Variants in GPR158 observed in about 807,000 individuals in gnomAD.
GPR158 encodes the protein G protein-coupled receptor 158.
In GPR158, 30 loss-of-function variants were observed where a neutral mutation model predicts 78.2. That is an observed-to-expected ratio of 0.38 (90% confidence interval 0.29 to 0.52). The LOEUF (loss-of-function observed/expected upper bound fraction) is 0.52, where lower values mean the gene tolerates loss of function less well. GPR158 is among the 20% of genes least tolerant of loss of function. GPR158 has a pLI of 0.83. For missense variants in GPR158, 1,463 were observed against 1,523.5 expected (o/e 0.96, Z 0.66); for synonymous variants, 581 against 591.1 (o/e 0.98, Z 0.25).
At chr10:25,487,364 G>A (rs554247899) in intron 5 of GPR158, among the ~76,000 whole-genome samples, 5 of 152,054 alleles carry the variant, frequency 3.3e-5, no homozygotes, top group Non-Finnish European at 7.4e-5. Context: ...TAAATTGTTG[G>A]CAATATCATT....
chr10:25,541,906 G>C (rs57418758), intron 5 of GPR158, among the ~76,000 whole-genome samples: 3,197 of 145,778 alleles, frequency 0.022, 107 homozygotes, highest in African/African-American at 0.076. Context: ...AGGAAGCAGG[G>C]GGAAATTATA....
intron 5 of GPR158, among the ~76,000 whole-genome samples, chr10:25,503,746 C>G (rs1412790390): frequency 6.7e-6 from 1 of 149,642 alleles, no homozygotes; most frequent in Non-Finnish European, 1.5e-5. Flanking sequence ...CTCAGAAAGC[C>G]TTCTGGTCTA....
At chr10:25,248,394 C>G (rs1166885691) in intron 2 of GPR158, among the ~76,000 whole-genome samples, 1 of 152,084 alleles carries the variant, frequency 6.6e-6, no homozygotes, top group Non-Finnish European at 1.5e-5. Flanking sequence ...TTGCCCATGC[C>G]TATGTCCTGA....
chr10:25,292,207 A>T (rs73608257), intron 2 of GPR158, among the ~76,000 whole-genome samples: 7,790 of 152,186 alleles, frequency 0.051, 655 homozygotes, highest in African/African-American at 0.18. Flanking sequence ...TAGAAGTAGA[A>T]AAAAGGCACT....
chr10:25,484,182 C>T (rs1304622070), intron 5 of GPR158, among the ~76,000 whole-genome samples: 1 of 152,174 alleles, frequency 6.6e-6, no homozygotes, highest in African/African-American at 2.4e-5. Flanking sequence ...TCTGTTTGCT[C>T]TTCCTTGAAC....
chr10:25,572,315 T>C (rs1166933099), intron 6 of GPR158, among the ~76,000 whole-genome samples: 3 of 152,196 alleles, frequency 2.0e-5, no homozygotes, highest in Non-Finnish European at 2.9e-5. Flanking sequence ...CAATACTGTT[T>C]CTGAATTTTC....
At chr10:25,261,416 A>G (rs1431954718) in intron 2 of GPR158, among the ~76,000 whole-genome samples, 1 of 152,138 alleles carries the variant, frequency 6.6e-6, no homozygotes, top group African/African-American at 2.4e-5. Context: ...ATGGTCAACT[A>G]ATAGCAAAAT....
At chr10:25,452,630 A>G (rs925057864) in intron 4 of GPR158, among the ~76,000 whole-genome samples, 3 of 152,188 alleles carry the variant, frequency 2.0e-5, no homozygotes, top group African/African-American at 7.2e-5. Flanking sequence ...ACAAGGCCTT[A>G]GGGGTCTTAC....
rs114528768 is a variant in GPR158 at position 25,542,862 on chromosome 10, C to T, written c.1405-8114C>T. Reference sequence around the variant, plus strand: ...AAAAAAGTTCTATTTCTAAGTTGAGCATATTTGAGAAGTCTAATAGTCTCC... The same window carrying T: ...AAAAAAGTTCTATTTCTAAGTTGAGTATATTTGAGAAGTCTAATAGTCTCC... On this transcript the variant is annotated intron_variant, in intron 5 of 10. Coordinates refer to ENST00000376351, the MANE Select transcript of GPR158 (RefSeq NM_020752.3). Among the ~76,000 whole-genome samples the T allele has an allele frequency of 3.0e-3, 442 of 149,142 alleles. 1 individual carries two copies. The highest frequency in any genetic ancestry group is 0.01 in the African/African-American group (420 of 40,166).
chr10:25,520,812 C>A (rs909849242), intron 5 of GPR158, among the ~76,000 whole-genome samples: 3 of 152,232 alleles, frequency 2.0e-5, no homozygotes, highest in Non-Finnish European at 4.4e-5. Flanking sequence ...TTACTGCTGT[C>A]TTTTTGTTTG....
intron 2 of GPR158, among the ~76,000 whole-genome samples, chr10:25,309,634 A>C (rs185335756): frequency 6.6e-6 from 1 of 152,070 alleles, no homozygotes; most frequent in African/African-American, 2.4e-5. Context: ...CTAATCTTGA[A>C]TTGTAGCACC....
rs28894756 is a variant in GPR158, at chr10:25,248,867, A to T, written c.1008+27710A>T. 1.7e-3 allele frequency among the ~76,000 whole-genome samples: 247 copies of T among 149,450 alleles called. 1 individual carries two copies. The highest frequency in any genetic ancestry group is 0.01 in the Middle Eastern group (3 of 288). On this transcript the variant is annotated intron_variant, in intron 2 of 10. Transcript: ENST00000376351. ...TTCTGTGAAGAAAGTCATTGGTAGC[A>T]TGATGGGGATGGCATTGAATCTGTA...
chr10:25,457,654 C>T (rs921223076), intron 4 of GPR158, among the ~76,000 whole-genome samples: 2 of 152,092 alleles, frequency 1.3e-5, no homozygotes, highest in African/African-American at 4.8e-5. Context: ...GCTTCTTAGC[C>T]AGAAAAGGGG....
intron 1 of GPR158, among the ~76,000 whole-genome samples, chr10:25,196,321 C>A (rs1047956242): frequency 1.3e-5 from 2 of 151,226 alleles, no homozygotes; most frequent in African/African-American, 2.4e-5. Context: ...GTTCATGAAC[C>A]CTTTTTTTGC....
rs1401604390 is a variant in GPR158 at position 25,547,408 on chromosome 10, T to C, written c.1405-3568T>C. Among the ~76,000 whole-genome samples the C allele has an allele frequency of 4.6e-5, 7 of 152,206 alleles. No homozygotes were observed. In the East Asian group the frequency reaches 9.6e-4, roughly 21 times the overall value. On this transcript the variant is annotated intron_variant, in intron 5 of 10. Coordinates refer to ENST00000376351, the MANE Select transcript of GPR158 (RefSeq NM_020752.3). ...CTTTACATGATTCCTCTTGTCTTAC[T>C]GGCTGTAACTATACGCTCCACACTC... is the stretch of plus-strand genomic sequence containing the variant.
chr10:25,281,424 A>T (rs1297636406), intron 2 of GPR158, among the ~76,000 whole-genome samples: 1 of 150,800 alleles, frequency 6.6e-6, no homozygotes, highest in Non-Finnish European at 1.5e-5. Context: ...AAAAAAAAAA[A>T]AAAAATAGCT....
At chr10:25,239,442 G>C (rs1252456906) in intron 2 of GPR158, among the ~76,000 whole-genome samples, 1 of 151,678 alleles carries the variant, frequency 6.6e-6, no homozygotes, top group Non-Finnish European at 1.5e-5. Flanking sequence ...CCCCGTCTCT[G>C]CTAAAAATAC....
At chr10:25,338,468 ATT>A (rs1491404500) in intron 2 of GPR158, among the ~76,000 whole-genome samples, 1 of 136,038 alleles carries the variant, frequency 7.4e-6, no homozygotes, top group African/African-American at 3.0e-5. Context: ...TATTACGTAT[ATT>A]ATACGTATAA....
At chr10:25,582,631 T>C (rs907663275) in intron 7 of GPR158, among the ~76,000 whole-genome samples, 1 of 152,176 alleles carries the variant, frequency 6.6e-6, no homozygotes, top group African/African-American at 2.4e-5. Context: ...GTTGGTATGA[T>C]TGACTGTGTT....
Sources: gnomAD v4.1 joint callset for allele counts (sites outside exome capture counted in the v4.1 genomes callset) on GRCh38, gnomAD v4.1.1 for gene constraint, MANE v1.5 for transcripts, NCBI Gene and HGNC (gene_info 2026-07-23, HGNC 2026-07-21) for gene names.